Variants in MYL6B observed in about 807,000 individuals in gnomAD.
MYL6B encodes myosin light chain 6B.
Under a neutral mutation model 24.5 loss-of-function variants are expected in MYL6B, and 19 were observed. The observed-to-expected ratio is 0.78, with a 90% CI of 0.54 to 1.14. The LOEUF (loss-of-function observed/expected upper bound fraction) is 1.14. MYL6B is among the 50% of genes most tolerant of loss of function. The pLI is 0.00. For missense variants in MYL6B, 230 were observed against 263.8 expected, an observed-to-expected ratio of 0.87 and a Z score of 0.89; for synonymous variants, 90 against 100.7, an observed-to-expected ratio of 0.89 and a Z score of 0.64.
intron 5 of MYL6B, 166 bp from the exon 6 acceptor site, chr12:56,157,302 T>G: frequency 3.2e-6 from 2 of 617,678 alleles, no homozygotes. Context: ...GAGAATCGCG[T>G]GAACACGGGA....
chr12:56,155,382 T>A (rs751501007), intron 4 of MYL6B, 37 bp from the exon 5 acceptor site: 1 of 1,613,880 alleles, frequency 6.2e-7, no homozygotes, highest in South Asian at 1.1e-5. Flanking sequence ...TATGTAATAC[T>A]ACAATGACCT....
At chr12:56,153,885 C>G in exon 2 of MYL6B, 2 of 1,560,968 alleles carry the variant, frequency 1.3e-6, no homozygotes, top group Non-Finnish European at 8.7e-7. Context: ...ATGGGTGCCC[C>G]CATCCGCACA....
chr12:56,157,470 G>T lies in MYL6B; in HGVS notation c.523G>T (p.Glu175Ter). 6.2e-7 allele frequency: 1 copy of T among 1,614,084 alleles called. No individual in the cohort carries two copies. The highest frequency in any genetic ancestry group is 8.5e-7 in the Non-Finnish European group (1 of 1,179,988). ...CAGACGTTGTGTCTGGGATTCAGGA[G>T]AGAAGATGACTGAGGAGGAGGTGGA... Residue 175 changes from glutamate (E) to a stop codon, truncating the protein, a stop_gained and splice_region_variant, in exon 6 of 7, where the codon GAG becomes TAG. Coordinates refer to ENST00000553066, the Ensembl canonical transcript of MYL6B. LOFTEE classifies it high-confidence loss of function.
intron 5 of MYL6B, among the ~76,000 whole-genome samples, chr12:56,156,670 G>A (rs889754283): frequency 6.6e-6 from 1 of 151,970 alleles, no homozygotes; most frequent in African/African-American, 2.4e-5. Flanking sequence ...TAGCACTTTG[G>A]GAGGCCAAGG....
At chr12:56,157,578 GGGA>G (rs1289396504) in intron 6 of MYL6B, 33 bp downstream of exon 6, 2 of 1,613,412 alleles carry the variant, frequency 1.2e-6, no homozygotes, top group African/African-American at 2.7e-5. Flanking sequence ...GCGGGGCCGA[GGGA>G]GGAGGGCAGC....
chr12:56,153,079 TCTC>T lies in MYL6B; in HGVS notation c.-47+452_-47+454del, dbSNP rs568891511. Among the ~76,000 whole-genome samples the T allele has an allele frequency of 2.7e-3, 416 of 152,124 alleles. 1 individual carries two copies. Among genetic ancestry groups the T allele is most frequent in the African/African-American group, 6.3e-3 (263 of 41,488 alleles). On this transcript the variant is annotated intron_variant, in intron 1 of 6. Coordinates refer to ENST00000553066, the Ensembl canonical transcript of MYL6B. Reference sequence around the variant, plus strand: ...TAAGCCGTCTCCCAGAGCCTGCCCTTCTCCTCAGGTGCCACCAAAGGGTCCCCA... The same window carrying T: ...TAAGCCGTCTCCCAGAGCCTGCCCTTCTCAGGTGCCACCAAAGGGTCCCCA...
At chr12:56,154,962 T>C in intron 3 of MYL6B, 93 bp from the exon 4 acceptor site, 1 of 1,563,744 alleles carries the variant, frequency 6.4e-7, no homozygotes, top group African/African-American at 1.4e-5. Flanking sequence ...TTTTCCTCCC[T>C]TGTTCTGTTC....
chr12:56,153,656 T>C, intron 1 of MYL6B: 1 of 355,066 alleles, frequency 2.8e-6, no homozygotes, highest in Non-Finnish European at 4.7e-6. Flanking sequence ...CTTCCTCCCC[T>C]ACCCCTAAAG....
chr12:56,157,760 G>T, exon 7 of MYL6B: 2 of 1,607,090 alleles, frequency 1.2e-6, no homozygotes, highest in Non-Finnish European at 8.5e-7. Flanking sequence ...CCCCTTCGCC[G>T]CGCCTTACGA....
Position 56,157,464 on chromosome 12 carries a change from T to C in MYL6B, c.521-4T>C, listed in dbSNP as rs746468845. The C allele has an allele frequency of 1.2e-6, 2 of 1,613,394 alleles. No individual in the cohort carries two copies. The highest frequency in any genetic ancestry group is 1.7e-6 in the Non-Finnish European group (2 of 1,179,858). ...GGGCCTCAGACGTTGTGTCTGGGAT[T>C]CAGGAGAGAAGATGACTGAGGAGGA... is the stretch of plus-strand genomic sequence containing the variant. On this transcript the variant is annotated splice_polypyrimidine_tract_variant and splice_region_variant and intron_variant, in intron 5 of 6. Coordinates refer to ENST00000553066, the Ensembl canonical transcript of MYL6B.
In MYL6B at chr12:56,157,742, C is replaced by T. The variant is rs977232370; in HGVS notation, c.*16C>T. On this transcript the variant is annotated 3_prime_UTR_variant, in exon 7 of 7. Coordinates refer to ENST00000553066, the Ensembl canonical transcript of MYL6B. Reference sequence around the variant, plus strand: ...AAGCGTCTGAGTGCTGCAGGTAGGGCCCTCCCACCCCTTCGCCGCGCCTTA... The same window carrying T: ...AAGCGTCTGAGTGCTGCAGGTAGGGTCCTCCCACCCCTTCGCCGCGCCTTA... 20 of 1,610,228 alleles carry T rather than the reference C, an allele frequency of 1.2e-5. No individual in the cohort carries two copies. Among genetic ancestry groups the T allele is most frequent in the Non-Finnish European group, 1.5e-5 (18 of 1,179,790 alleles).
Position 56,157,555 on chromosome 12 carries a change from C to CAAA in MYL6B, c.598+14_598+16dup, listed in dbSNP as rs28365930. The CAAA allele has an allele frequency of 0.38, 610,787 of 1,608,806 alleles. 120,069 individuals are homozygous for CAAA. The highest frequency in any genetic ancestry group is 0.49 in the Admixed American group (29,033 of 59,508). On this transcript the variant is annotated intron_variant, in intron 6 of 6. Coordinates refer to ENST00000553066, the Ensembl canonical transcript of MYL6B. ...TGCATCAACTACGAGGGTGAGGGGA[C>CAAA]AAAAAAGCGGGAGCGGGGCCGAGGG...
At chr12:56,153,570 C>A in intron 1 of MYL6B, 1 of 738,390 alleles carries the variant, frequency 1.4e-6, no homozygotes, top group African/African-American at 1.9e-5. Flanking sequence ...TGCCTCACCA[C>A]CCCCATCTCA....
intron 5 of MYL6B, 136 bp from the exon 6 acceptor site, chr12:56,157,332 C>A: frequency 1.3e-6 from 1 of 759,044 alleles, no homozygotes; most frequent in Admixed American, 2.7e-5. Context: ...TGCAGTGAGC[C>A]GAGATCGCTC....
exon 7 of MYL6B, chr12:56,157,858 C>T: frequency 1.7e-6 from 2 of 1,169,860 alleles, no homozygotes; most frequent in Non-Finnish European, 2.4e-6. Context: ...TCCAGCGCTT[C>T]GCAACTTTGG....
intron 5 of MYL6B, chr12:56,155,906 T>A: frequency 8.0e-7 from 1 of 1,244,526 alleles, no homozygotes; most frequent in Non-Finnish European, 1.0e-6. Flanking sequence ...TGTGGGTCAA[T>A]ACTTTCAGCA....
Position 56,154,811 on chromosome 12 carries a change from A to G in MYL6B, c.175-2A>G, listed in dbSNP as rs1205760754. 6.2e-7 allele frequency: 1 copy of G among 1,612,788 alleles called. No homozygotes were observed. Among genetic ancestry groups the G allele is most frequent in the South Asian group, 1.1e-5 (1 of 90,970 alleles). On this transcript the variant is annotated splice_acceptor_variant, in intron 2 of 6. Transcript: ENST00000553066. LOFTEE classifies it high-confidence loss of function. ...CTCCCCACCTGCTTTTTTCTTCCAC[A>G]GATCGAGTTTAACAAGGACCAGCTG...
exon 6 of MYL6B, chr12:56,157,518 G>T (rs1304041052): frequency 6.2e-6 from 10 of 1,613,900 alleles, no homozygotes; most frequent in Non-Finnish European, 8.5e-6. Flanking sequence ...AGGACACGAG[G>T]ACAGCAACGG....
intron 1 of MYL6B, 84 bp from the exon 2 acceptor site, chr12:56,153,789 C>G: frequency 2.1e-6 from 2 of 945,010 alleles, no homozygotes; most frequent in Non-Finnish European, 3.1e-6. Context: ...TATCTCTCCT[C>G]TACCTCATCT....
Sources: allele counts gnomAD v4.1 joint callset (sites outside exome capture counted in the v4.1 genomes callset), GRCh38; gene constraint gnomAD v4.1.1; transcripts MANE v1.5; gene names NCBI Gene and HGNC (gene_info 2026-07-23, HGNC 2026-07-21).